Variants in SCFD2 observed in about 807,000 individuals in gnomAD.
SCFD2 encodes sec1 family domain-containing protein 2.
Under a neutral mutation model 58.9 loss-of-function variants are expected in SCFD2, and 54 were observed. The ratio of observed to expected loss-of-function variants is 0.92; its 90% confidence interval spans 0.74 to 1.15. SCFD2 has a LOEUF of 1.15. Ranked by LOEUF, SCFD2 falls within the 50% of genes most tolerant of loss-of-function variation. SCFD2 has a pLI of 0.00. For missense variants in SCFD2, 805 were observed against 836.6 expected, an observed-to-expected ratio of 0.96 and a Z score of 0.47; for synonymous variants, 321 against 335.9, an observed-to-expected ratio of 0.96 and a Z score of 0.49.
chr4:53,053,271 G>C (rs1216506082), intron 5 of SCFD2, among the ~76,000 whole-genome samples: 2 of 151,568 alleles, frequency 1.3e-5, no homozygotes, highest in South Asian at 4.2e-4. Flanking sequence ...ATAGAGGTCA[G>C]AATGCTGGTT....
intron 7 of SCFD2, among the ~76,000 whole-genome samples, chr4:52,889,425 C>T (rs1026885012): frequency 6.6e-6 from 1 of 152,214 alleles, no homozygotes; most frequent in East Asian, 1.9e-4. Flanking sequence ...TCTTAAAACA[C>T]CTCTCAGCTC....
chr4:53,196,634 A>T (rs1252800890), intron 4 of SCFD2, among the ~76,000 whole-genome samples: 1 of 152,098 alleles, frequency 6.6e-6, no homozygotes, highest in Non-Finnish European at 1.5e-5. Flanking sequence ...TGCTGACTTT[A>T]ACAATGATTC....
Position 53,284,434 on chromosome 4 carries a change from A to T in SCFD2, c.1136-10433T>A, listed in dbSNP as rs147089451. Among the ~76,000 whole-genome samples, 1,330 of 152,336 alleles carry T rather than the reference A, an allele frequency of 8.7e-3. 22 individuals carry two copies. Among genetic ancestry groups the T allele is most frequent in the African/African-American group, 0.03 (1,255 of 41,588 alleles). ...GGGTCAGGGAAGAGAGGAAGTTTAC[A>T]TTCATTTTTTATTTTATATATGTTG... On this transcript the variant is annotated intron_variant, in intron 3 of 8. Transcript: ENST00000401642.
chr4:53,195,874 T>C (rs1191802407), intron 4 of SCFD2, among the ~76,000 whole-genome samples: 3 of 152,158 alleles, frequency 2.0e-5, no homozygotes, highest in Admixed American at 6.6e-5. Flanking sequence ...AACAGAAATC[T>C]AGCTCAAGAC....
chr4:53,251,841 T>C (rs1044103465), intron 4 of SCFD2, among the ~76,000 whole-genome samples: 5 of 151,530 alleles, frequency 3.3e-5, no homozygotes. Flanking sequence ...GGATGCCCTC[T>C]CTCACCACTC....
At chr4:53,043,969 C>T (rs559201714) in intron 5 of SCFD2, among the ~76,000 whole-genome samples, 4 of 152,192 alleles carry the variant, frequency 2.6e-5, no homozygotes, top group African/African-American at 9.6e-5. Context: ...TGTGGTAGCC[C>T]CGGAGTTCAC....
intron 5 of SCFD2, among the ~76,000 whole-genome samples, chr4:52,971,644 C>A (rs902360658): frequency 1.3e-5 from 2 of 152,150 alleles, no homozygotes; most frequent in African/African-American, 4.8e-5. Flanking sequence ...GGCCAACATT[C>A]AAATTCAGGA....
chr4:52,911,069 G>A (rs150675117), intron 6 of SCFD2, among the ~76,000 whole-genome samples: 280 of 152,178 alleles, frequency 1.8e-3, no homozygotes, highest in African/African-American at 6.5e-3. Context: ...AAAATAGATT[G>A]TCATTCTCCA....
At chr4:53,182,034 T>G (rs1474035067) in intron 4 of SCFD2, among the ~76,000 whole-genome samples, 1 of 152,194 alleles carries the variant, frequency 6.6e-6, no homozygotes, top group African/African-American at 2.4e-5. Context: ...CATCCCATGC[T>G]CATGTCTAGG....
At position 53,115,219 on chromosome 4, in the gene SCFD2, C is replaced by T. The variant is rs28636499; in HGVS notation, c.1561+30114G>A. Among the ~76,000 whole-genome samples, 547 of 151,958 alleles carry T rather than the reference C, an allele frequency of 3.6e-3. 3 individuals carry two copies. The highest frequency in any genetic ancestry group is 0.013 in the African/African-American group (521 of 41,470). ...TGAATTTTTTTAAATGAAAGCAAAT[C>T]ATATACATAGACAAATTGGAGCACA... On this transcript the variant is annotated intron_variant, in intron 5 of 8. Transcript: ENST00000401642.
At chr4:52,984,664 T>C (rs978910371) in intron 5 of SCFD2, among the ~76,000 whole-genome samples, 2 of 152,242 alleles carry the variant, frequency 1.3e-5, no homozygotes, top group Non-Finnish European at 2.9e-5. Context: ...GTTCTTCTTG[T>C]TGAATCATCA....
At chr4:53,065,454 T>C (rs1259328046) in intron 5 of SCFD2, among the ~76,000 whole-genome samples, 13 of 152,008 alleles carry the variant, frequency 8.6e-5, no homozygotes, top group Non-Finnish European at 1.5e-5. Flanking sequence ...AAGGAAAATC[T>C]CTGAAATCCT....
intron 4 of SCFD2, among the ~76,000 whole-genome samples, chr4:53,188,002 C>T (rs949119587): frequency 3.3e-5 from 5 of 152,046 alleles, no homozygotes; most frequent in African/African-American, 4.8e-5. Context: ...CAGTAATGAG[C>T]TTCAGCCCAC....
intron 3 of SCFD2, among the ~76,000 whole-genome samples, chr4:53,281,328 G>GAT (rs1211002872): frequency 6.6e-6 from 1 of 152,186 alleles, no homozygotes. Context: ...GGCTCCTGCT[G>GAT]ATACCATGAG....
chr4:52,918,749 T>C (rs76025119), intron 6 of SCFD2, among the ~76,000 whole-genome samples: 7,973 of 152,264 alleles, frequency 0.052, 251 homozygotes, highest in South Asian at 0.13. Context: ...ACATGTCCCC[T>C]CACTGCCACC....
At chr4:52,939,103 ATTGTTTTAAACTACTGAGATTGTGGGG>A (rs1215187612) in intron 5 of SCFD2, among the ~76,000 whole-genome samples, 3 of 152,192 alleles carry the variant, frequency 2.0e-5, no homozygotes, top group Admixed American at 2.0e-4. Flanking sequence ...GAAACCAGCC[ATTGTTTTAAACTACTGAGATTGTGGGG>A]TTGTTTGTTA....
intron 5 of SCFD2, among the ~76,000 whole-genome samples, chr4:53,025,432 A>T (rs934747763): frequency 3.9e-5 from 6 of 152,226 alleles, no homozygotes; most frequent in Non-Finnish European, 5.9e-5. Context: ...CAAAGAAAAC[A>T]TATATTCTCC....
chr4:53,215,105 CT>C (rs1728771601), intron 4 of SCFD2, among the ~76,000 whole-genome samples: 1 of 152,078 alleles, frequency 6.6e-6, no homozygotes, highest in Non-Finnish European at 1.5e-5. Context: ...AAGCTTTATT[CT>C]TTTGGCTTAG....
intron 4 of SCFD2, among the ~76,000 whole-genome samples, chr4:53,255,060 A>C (rs1356740608): frequency 1.3e-5 from 2 of 150,216 alleles, no homozygotes; most frequent in Non-Finnish European, 1.5e-5. Flanking sequence ...TTTAGTAGAG[A>C]CGGGGTTTCA....
Sources: allele counts gnomAD v4.1 joint callset (sites outside exome capture counted in the v4.1 genomes callset), GRCh38; gene constraint gnomAD v4.1.1; transcripts MANE v1.5; gene names NCBI Gene and HGNC (gene_info 2026-07-23, HGNC 2026-07-21).